Variants in RAC1 observed in about 807,000 individuals in gnomAD.
The protein encoded by RAC1 is Rac family small GTPase 1.
In RAC1, 2 loss-of-function variants were observed where a neutral mutation model predicts 25.2. That is an observed-to-expected ratio of 0.08 (90% CI 0.03 to 0.25). The LOEUF is 0.25. Among genes scored for constraint, RAC1 ranks in the 10% least tolerant of loss-of-function variants. The probability of loss-of-function intolerance (pLI) is 1.00; values close to 1 mark genes in which losing one functional copy is unlikely to be tolerated. For synonymous variants in RAC1, 88 were observed against 94.0 expected (o/e 0.94, Z 0.37); for missense variants, 50 against 235.7 (o/e 0.21, Z 5.16).
intron 1 of RAC1, among the ~76,000 whole-genome samples, chr7:6,377,486 C>T (rs7792815): frequency 0.15 from 22,369 of 151,902 alleles, 1,878 homozygotes; most frequent in Admixed American, 0.23. Flanking sequence ...CCCAGCTACT[C>T]GGGAGGCTAA....
intron 1 of RAC1, among the ~76,000 whole-genome samples, chr7:6,379,956 G>C (rs1782719101): frequency 1.3e-5 from 2 of 152,150 alleles, no homozygotes; most frequent in Admixed American, 1.3e-4. Context: ...GTTGATTAAA[G>C]GAATGGGAAC....
intron 3 of RAC1, among the ~76,000 whole-genome samples, chr7:6,395,101 G>T (rs571913790): frequency 6.6e-6 from 1 of 152,038 alleles, no homozygotes; most frequent in Non-Finnish European, 1.5e-5. Flanking sequence ...TGATCCGCCC[G>T]CCTTGGCCTC....
intron 3 of RAC1, among the ~76,000 whole-genome samples, chr7:6,393,145 TG>T (rs1379875682): frequency 6.6e-6 from 1 of 152,200 alleles, no homozygotes; most frequent in Non-Finnish European, 1.5e-5. Context: ...CTTTGAGCCC[TG>T]ATTGATGATG....
intron 2 of RAC1, among the ~76,000 whole-genome samples, chr7:6,388,248 C>T (rs1782978696): frequency 6.6e-6 from 1 of 151,926 alleles, no homozygotes; most frequent in Non-Finnish European, 1.5e-5. Context: ...GAGGTGTCGC[C>T]TCCTCCCCAC....
At chr7:6,389,946 CCTCT>C (rs1783039802) in intron 2 of RAC1, among the ~76,000 whole-genome samples, 1 of 145,592 alleles carries the variant, frequency 6.9e-6, no homozygotes, top group African/African-American at 2.5e-5. Context: ...TCCCTCCCTC[CCTCT>C]CTCCCTCCCT....
chr7:6,400,475 G>A (rs559447188), intron 4 of RAC1, among the ~76,000 whole-genome samples: 51 of 151,982 alleles, frequency 3.4e-4, no homozygotes, highest in African/African-American at 1.1e-3. Context: ...GACCATAAAT[G>A]TGCACCACCA....
At chr7:6,400,328 T>G (rs1032505450) in intron 4 of RAC1, 140 bp downstream of exon 4, 15 of 568,272 alleles carry the variant, frequency 2.6e-5, no homozygotes, top group Non-Finnish European at 3.2e-5. Flanking sequence ...CATGATTGGG[T>G]TTTTTTTTTT....
intron 1 of RAC1, among the ~76,000 whole-genome samples, chr7:6,386,052 C>T (rs759881057): frequency 6.6e-6 from 1 of 152,184 alleles, no homozygotes; most frequent in Non-Finnish European, 1.5e-5. Context: ...GGTTGGGAGA[C>T]TTTCAGCCAC....
chr7:6,377,696 C>G (rs537289736), intron 1 of RAC1, among the ~76,000 whole-genome samples: 1 of 152,178 alleles, frequency 6.6e-6, no homozygotes. Context: ...GGGCGGTTCA[C>G]CTGAGGTCAG....
chr7:6,374,776 T>A lies in RAC1; in HGVS notation c.35+6T>A. 1 of 1,135,862 alleles carries A rather than the reference T, an allele frequency of 8.8e-7. No individual in the cohort carries two copies. The highest frequency in any genetic ancestry group is 1.1e-6 in the Non-Finnish European group (1 of 921,354). The allele number at this position is 1,135,862 out of a possible 1,614,324, so 70.4% of individuals were successfully genotyped here. On this transcript the variant is annotated splice_donor_region_variant and intron_variant, in intron 1 of 5. Coordinates refer to ENST00000348035, the MANE Select transcript of RAC1 (RefSeq NM_006908.5). ...TGTGTGGTGGTGGGAGACGGGTGAG[T>A]GCGCGGCCGGGGCCGGGCTGGAGGC... is the stretch of plus-strand genomic sequence containing the variant.
At position 6,402,725 on chromosome 7, in the gene RAC1, GC is replaced by G. The variant is rs201711136; in HGVS notation, c.*287del. 2.6e-4 allele frequency: 73 copies of G among 285,546 alleles called. No homozygotes were observed. Among genetic ancestry groups the G allele is most frequent in the South Asian group, 1.1e-3 (13 of 12,028 alleles). 17.7% of individuals were successfully genotyped at this position (285,546 alleles called of 1,614,324 possible). ...TCTTAAAGCCTTATTTTTCAAAAGC[GC>G]CCCCCCCATTCTTGTTCAGATTAAG... On this transcript the variant is annotated 3_prime_UTR_variant, in exon 6 of 6. Coordinates refer to ENST00000348035, the MANE Select transcript of RAC1 (RefSeq NM_006908.5).
chr7:6,387,315 T>C, intron 2 of RAC1, 32 bp downstream of exon 2: 1 of 1,407,400 alleles, frequency 7.1e-7, no homozygotes, highest in Non-Finnish European at 9.8e-7. Context: ...TTAACCTGTT[T>C]GTGTTACGGG....
At position 6,402,515 on chromosome 7, in the gene RAC1, A is replaced by C. The variant is rs908346557; in HGVS notation, c.*69A>C. The C allele has an allele frequency of 1.4e-5, 15 of 1,067,754 alleles. 2 individuals are homozygous for C. Among genetic ancestry groups the C allele is most frequent in the African/African-American group, 3.8e-5 (2 of 52,540 alleles). 66.1% of individuals were successfully genotyped at this position (1,067,754 alleles called of 1,614,324 possible). A position where few individuals can be genotyped will look rare whatever the true frequency, so the allele number is the denominator to read the frequency against. ...GTACGCTTTGCTCAAAAAAAAACAA[A>C]AAAAAAAAACAAAAAAAAAAAACAA... On this transcript the variant is annotated 3_prime_UTR_variant, in exon 6 of 6. Transcript: ENST00000348035.
At chr7:6,389,262 A>G (rs571051666) in intron 2 of RAC1, among the ~76,000 whole-genome samples, 25 of 152,210 alleles carry the variant, frequency 1.6e-4, no homozygotes, top group African/African-American at 6.0e-4. Flanking sequence ...ATTGCTGTCT[A>G]TAAAGCTGTC....
At chr7:6,390,073 T>C (rs1583264497) in intron 2 of RAC1, among the ~76,000 whole-genome samples, 8 of 115,174 alleles carry the variant, frequency 6.9e-5, no homozygotes, top group Admixed American at 1.0e-4. Context: ...TTCCCCTCCC[T>C]CCCTTGCTCC....
At chr7:6,375,560 A>G (rs964931180) in intron 1 of RAC1, among the ~76,000 whole-genome samples, 2 of 152,050 alleles carry the variant, frequency 1.3e-5, no homozygotes, top group East Asian at 1.9e-4. Flanking sequence ...CACTTCTGCC[A>G]CTGTTAGGAT....
intron 4 of RAC1, among the ~76,000 whole-genome samples, chr7:6,400,917 C>G (rs7788254): frequency 6.6e-6 from 1 of 152,064 alleles, no homozygotes; most frequent in East Asian, 1.9e-4. Flanking sequence ...TCAGGTGATC[C>G]GCGCGTCTCG....
At chr7:6,385,699 T>G (rs939439830) in intron 1 of RAC1, among the ~76,000 whole-genome samples, 2 of 152,334 alleles carry the variant, frequency 1.3e-5, no homozygotes, top group Admixed American at 1.3e-4. Context: ...TTGGCAAGAC[T>G]GGCTGGGCCT....
chr7:6,402,271 G>T, intron 5 of RAC1, 45 bp from the exon 6 acceptor site: 1 of 1,563,116 alleles, frequency 6.4e-7, no homozygotes, highest in Non-Finnish European at 8.7e-7. Flanking sequence ...GATCAGAAGA[G>T]AGTGGGGTCG....
Sources: allele counts gnomAD v4.1 joint callset (sites outside exome capture counted in the v4.1 genomes callset), GRCh38; gene constraint gnomAD v4.1.1; transcripts MANE v1.5; gene names NCBI Gene and HGNC (gene_info 2026-07-23, HGNC 2026-07-21).